The following KCTD21 variants were observed in gnomAD, a reference collection of about 807,000 sequenced individuals.
KCTD21 encodes the protein potassium channel tetramerization domain containing 21, also known as BTB/POZ domain-containing protein KCTD21.
KCTD21 carries 9 observed loss-of-function variants against 13.2 expected under a neutral mutation model. That is an observed-to-expected ratio of 0.68 (90% CI 0.41 to 1.19). The LOEUF is 1.19. KCTD21 is among the 50% of genes most tolerant of loss of function. The pLI is 0.01. For missense variants in KCTD21, 303 were observed against 336.5 expected (o/e 0.90, Z 0.78); for synonymous variants, 142 against 137.4 (o/e 1.03, Z -0.23).
chr11:78,182,556 A>G (rs1430040830), intron 1 of KCTD21, among the ~76,000 whole-genome samples: 1 of 152,216 alleles, frequency 6.6e-6, no homozygotes, highest in Non-Finnish European at 1.5e-5. Flanking sequence ...ACAACTAGCA[A>G]TGTTTAAAAA....
At position 78,174,239 on chromosome 11, in the gene KCTD21, C is replaced by T; in HGVS notation, c.316G>A (p.Ala106Thr). 1 of 1,614,026 alleles carries T rather than the reference C, an allele frequency of 6.2e-7. No homozygotes were observed. Residue 106 changes from alanine (A) to threonine (T), a missense_variant, in exon 2 of 2, where the codon GCC (alanine) becomes ACC (threonine). By Grantham distance (58) the Ala-to-Thr change is moderately conservative. Transcript: ENST00000340067. ...ATGTTGAGCATGGCATTCTTCTCGGCCTTGGAGAGCTCCACTTCCTTCTCC... is the reference window on the plus strand; with the variant it reads ...ATGTTGAGCATGGCATTCTTCTCGGTCTTGGAGAGCTCCACTTCCTTCTCC... ...LQEKEVELSKAEKNAMLNITL... is the reference protein window; with the variant it reads ...LQEKEVELSKTEKNAMLNITL...
At chr11:78,186,402 A>AAAAAAAAAAAAAAC (rs71046958) in intron 1 of KCTD21, among the ~76,000 whole-genome samples, 11 of 132,086 alleles carry the variant, frequency 8.3e-5, no homozygotes, top group Non-Finnish European at 1.4e-4. Flanking sequence ...AAAAAAAAAA[A>AAAAAAAAAAAAAAC]AAAAAGAAAA....
At position 78,174,382 on chromosome 11, in the gene KCTD21, T is replaced by C. The variant is rs1204343365; in HGVS notation, c.173A>G (p.Tyr58Cys). 2.5e-6 allele frequency: 4 copies of C among 1,613,906 alleles called. No homozygotes were observed. Among genetic ancestry groups the C allele is most frequent in the African/African-American group, 1.3e-5 (1 of 74,880 alleles). The change falls in exon 2 of 2, where the codon TAT becomes TGT. Residue 58 changes from tyrosine (Y) to cysteine (C), a missense_variant. Tyr to Cys is a radical substitution (Grantham distance 194, BLOSUM62 -2). Transcript: ENST00000340067. Reference sequence around the variant, plus strand: ...GGAGGTCCGCAGGAAGTTGAGGATATAGCGGAACACTTTGCCGTCACGGTC... The same window carrying C: ...GGAGGTCCGCAGGAAGTTGAGGATACAGCGGAACACTTTGCCGTCACGGTC... ...FIDRDGKVFR[Y>C]ILNFLRTSHL...
chr11:78,175,871 T>C (rs1862437941), intron 1 of KCTD21, among the ~76,000 whole-genome samples: 1 of 151,284 alleles, frequency 6.6e-6, no homozygotes, highest in African/African-American at 2.4e-5. Context: ...CTCCTAATGC[T>C]ATCCCTCTCC....
chr11:78,182,050 T>C (rs1028134229), intron 1 of KCTD21, among the ~76,000 whole-genome samples: 2 of 152,228 alleles, frequency 1.3e-5, no homozygotes, highest in Admixed American at 1.3e-4. Flanking sequence ...CACGTCTGCA[T>C]AGTCACCGCC....
rs143397871 is a variant in KCTD21 at position 78,182,162 on chromosome 11, C to T, written c.-30+6411G>A. Among the ~76,000 whole-genome samples, 730 of 152,170 alleles carry T rather than the reference C, an allele frequency of 4.8e-3. 3 individuals carry two copies. Among genetic ancestry groups the T allele is most frequent in the African/African-American group, 0.017 (698 of 41,516 alleles). ...GCCAGGGCTAAAAACTGTGTAATTT[C>T]CCAAGTGATAATAGCTATAGGAACT... On this transcript the variant is annotated intron_variant, in intron 1 of 1. Transcript: ENST00000340067.
At chr11:78,177,239 G>A (rs1209762261) in intron 1 of KCTD21, among the ~76,000 whole-genome samples, 1 of 152,242 alleles carries the variant, frequency 6.6e-6, no homozygotes, top group Non-Finnish European at 1.5e-5. Context: ...TGTGGCAGGG[G>A]CAGGGGTATG....
intron 1 of KCTD21, among the ~76,000 whole-genome samples, chr11:78,183,991 T>G (rs932626801): frequency 6.6e-6 from 1 of 152,170 alleles, no homozygotes; most frequent in Non-Finnish European, 1.5e-5. Flanking sequence ...AATGGCAGAA[T>G]TAGAAAATTA....
chr11:78,175,272 G>A (rs993647537), intron 1 of KCTD21: 2 of 150,814 alleles, frequency 1.3e-5, no homozygotes, highest in Non-Finnish European at 2.9e-5. Flanking sequence ...GCAGTGAGCC[G>A]GGACTGAACA....
At chr11:78,179,311 C>G (rs996941109) in intron 1 of KCTD21, among the ~76,000 whole-genome samples, 1 of 151,678 alleles carries the variant, frequency 6.6e-6, no homozygotes, top group Non-Finnish European at 1.5e-5. Context: ...TGGGGATTAC[C>G]ACGTCTGCCC....
intron 1 of KCTD21, among the ~76,000 whole-genome samples, chr11:78,179,937 A>C (rs1477905188): frequency 6.6e-6 from 1 of 151,822 alleles, no homozygotes; most frequent in Non-Finnish European, 1.5e-5. Context: ...CCAGCATTCC[A>C]CCTGCAGCGA....
chr11:78,185,033 T>A (rs1862729325), intron 1 of KCTD21, among the ~76,000 whole-genome samples: 1 of 152,202 alleles, frequency 6.6e-6, no homozygotes, highest in African/African-American at 2.4e-5. Context: ...CCATTGCACC[T>A]GGCAGAAAAT....
intron 1 of KCTD21, chr11:78,187,863 G>T (rs900592632): frequency 1.0e-6 from 1 of 985,382 alleles, no homozygotes. Context: ...GAAAAGCAAG[G>T]TCTTTGAAGT....
At chr11:78,185,233 A>C (rs1862734032) in intron 1 of KCTD21, among the ~76,000 whole-genome samples, 1 of 152,226 alleles carries the variant, frequency 6.6e-6, no homozygotes, top group South Asian at 2.1e-4. Context: ...GTAAAAGCAC[A>C]ATTGGCAAAT....
intron 1 of KCTD21, chr11:78,187,086 A>T: frequency 1.0e-6 from 1 of 985,448 alleles, no homozygotes; most frequent in African/African-American, 1.7e-5. Flanking sequence ...CTTGGGAGTA[A>T]ATGCAAGGAG....
chr11:78,187,238 A>C (rs1862807259), intron 1 of KCTD21: 1 of 985,166 alleles, frequency 1.0e-6, no homozygotes, highest in African/African-American at 1.7e-5. Flanking sequence ...TTTGCCTTGA[A>C]GCCCCTAGGA....
Position 78,173,916 on chromosome 11 carries a change from G to T in KCTD21, c.639C>A (p.Ala213=), listed in dbSNP as rs1452187733. ...QNLKRLWVVP[A]NKQINSFQVF... ...CCTGGAAGCTGTTGATCTGCTTGTT[G>T]GCGGGCACCACCCAGAGCCTCTTGA... is the stretch of plus-strand genomic sequence containing the variant. The change falls in exon 2 of 2, where the codon GCC becomes GCA. Residue 213 remains alanine (A), a synonymous_variant. Transcript: ENST00000340067. The T allele has an allele frequency of 6.2e-7, 1 of 1,614,038 alleles. No homozygotes were observed. Among genetic ancestry groups the T allele is most frequent in the Non-Finnish European group, 8.5e-7 (1 of 1,180,044 alleles).
At chr11:78,186,773 TC>T in intron 1 of KCTD21, 1 of 985,470 alleles carries the variant, frequency 1.0e-6, no homozygotes, top group Non-Finnish European at 1.2e-6. Context: ...ATCCCATGCA[TC>T]GGCCAGGTCT....
rs1862350090 is a variant in KCTD21, at chr11:78,173,661, T to C, written c.*111A>G. ...GGGGAATCAAGTCCTGCTACACAAT[T>C]AATACAGATTAGTATAGTCCCCTGC... On this transcript the variant is annotated 3_prime_UTR_variant, in exon 2 of 2. Transcript: ENST00000340067. The C allele has an allele frequency of 3.4e-6, 3 of 871,024 alleles. No individual in the cohort carries two copies. In the Admixed American group the frequency reaches 6.9e-5, roughly 20 times the overall value. The allele number at this position is 871,024 out of a possible 1,614,324, so 54.0% of individuals were successfully genotyped here.
Sources: gnomAD v4.1 joint callset for allele counts (sites outside exome capture counted in the v4.1 genomes callset) on GRCh38, gnomAD v4.1.1 for gene constraint, MANE v1.5 for transcripts, NCBI Gene and HGNC (gene_info 2026-07-23, HGNC 2026-07-21) for gene names.